Variants in NRXN3 observed in about 807,000 individuals in gnomAD.
The protein encoded by NRXN3 is neurexin III.
Under a neutral mutation model 137.6 loss-of-function variants are expected in NRXN3, and 32 were observed. That is an observed-to-expected ratio of 0.23 (90% CI 0.18 to 0.31). NRXN3 has a LOEUF of 0.31. Ranked by LOEUF, NRXN3 falls within the 10% of genes least tolerant of loss-of-function variation. The pLI is 1.00. For synonymous variants in NRXN3, 798 were observed against 784.5 expected (o/e 1.02, Z -0.29); for missense variants, 1,574 against 2,062.5 (o/e 0.76, Z 4.59).
chr14:79,315,832 A>C lies in NRXN3; in HGVS notation c.3263-151389A>C, dbSNP rs895748117. 2.6e-5 allele frequency among the ~76,000 whole-genome samples: 4 copies of C among 152,232 alleles called. No individual in the cohort carries two copies. The East Asian group carries it at 7.7e-4, about 29-fold the overall frequency. Reference sequence around the variant, plus strand: ...GAAGTTATACTTTAGAAAACAATCTATTTAATATAATTCAATGCTACACAA... The same window carrying C: ...GAAGTTATACTTTAGAAAACAATCTCTTTAATATAATTCAATGCTACACAA... On this transcript the variant is annotated intron_variant, in intron 15 of 20. Transcript: ENST00000335750.
intron 10 of NRXN3, among the ~76,000 whole-genome samples, chr14:78,881,834 A>G (rs1460176017): frequency 1.3e-5 from 2 of 151,626 alleles, no homozygotes; most frequent in African/African-American, 2.4e-5. Context: ...TAATGAACCA[A>G]ATGTTAATCA....
chr14:78,765,738 TAC>T lies in NRXN3; in HGVS notation c.2045-37868_2045-37867del, dbSNP rs1340470153. Among the ~76,000 whole-genome samples, 318 of 151,240 alleles carry T rather than the reference TAC, an allele frequency of 2.1e-3. 5 individuals are homozygous for T. The highest frequency in any genetic ancestry group is 7.1e-3 in the African/African-American group (295 of 41,372). On this transcript the variant is annotated intron_variant, in intron 8 of 20. Coordinates refer to ENST00000335750, the MANE Select transcript of NRXN3 (RefSeq NM_001330195.2). ...GAATAAATGTTGATATATATATATA[TAC>T]ACACACACACACATACATATATACA...
At chr14:78,685,686 G>T (rs2098119221) in intron 6 of NRXN3, among the ~76,000 whole-genome samples, 1 of 144,430 alleles carries the variant, frequency 6.9e-6, no homozygotes, top group Non-Finnish European at 1.5e-5. Context: ...AGGATGGAGT[G>T]CAATGGCATG....
At chr14:78,806,498 C>T (rs900882054) in intron 9 of NRXN3, among the ~76,000 whole-genome samples, 4 of 152,224 alleles carry the variant, frequency 2.6e-5, no homozygotes, top group African/African-American at 9.6e-5. Context: ...CTCCCTCACT[C>T]TATTCAAGTT....
chr14:79,126,135 A>G (rs1408887133), intron 15 of NRXN3, among the ~76,000 whole-genome samples: 1 of 151,360 alleles, frequency 6.6e-6, no homozygotes, highest in African/African-American at 2.4e-5. Flanking sequence ...ATTAACTTAA[A>G]CTTTTTTTTT....
intron 1 of NRXN3, among the ~76,000 whole-genome samples, chr14:78,193,781 AG>A (rs2060967582): frequency 1.4e-5 from 2 of 145,642 alleles, no homozygotes; most frequent in African/African-American, 5.1e-5. Flanking sequence ...AAAAAAAAAA[AG>A]TTATGTCTGA....
At chr14:78,269,319 G>A (rs750980122) in intron 2 of NRXN3, among the ~76,000 whole-genome samples, 2 of 152,200 alleles carry the variant, frequency 1.3e-5, no homozygotes, top group Non-Finnish European at 2.9e-5. Context: ...AGGACATTAT[G>A]CTAAGTGGAA....
intron 14 of NRXN3, among the ~76,000 whole-genome samples, chr14:78,978,359 T>C (rs958924928): frequency 6.6e-6 from 1 of 152,194 alleles, no homozygotes; most frequent in Admixed American, 6.5e-5. Flanking sequence ...CATTGCCTTA[T>C]GTTCTATAAA....
chr14:79,022,404 C>A (rs2099591253), intron 15 of NRXN3, among the ~76,000 whole-genome samples: 2 of 152,024 alleles, frequency 1.3e-5, no homozygotes, highest in Non-Finnish European at 2.9e-5. Context: ...CCAAAATACA[C>A]AGCTGAAAAA....
chr14:79,025,208 A>G (rs940330029), intron 15 of NRXN3, among the ~76,000 whole-genome samples: 1 of 152,094 alleles, frequency 6.6e-6, no homozygotes, highest in African/African-American at 2.4e-5. Context: ...TTTCAAATCT[A>G]GACTGCTGTT....
chr14:78,806,050 T>TG (rs1374494019), intron 9 of NRXN3, among the ~76,000 whole-genome samples: 1 of 74,292 alleles, frequency 1.3e-5, no homozygotes, highest in Non-Finnish European at 4.7e-5. Flanking sequence ...CTTTGCTTTT[T>TG]TTTTTTTTTT....
At chr14:79,037,061 C>T (rs1301525680) in intron 15 of NRXN3, among the ~76,000 whole-genome samples, 1 of 152,018 alleles carries the variant, frequency 6.6e-6, no homozygotes, top group East Asian at 1.9e-4. Flanking sequence ...TTATAATTCA[C>T]CTGGGTTAAA....
chr14:78,441,544 G>A (rs1431316136), intron 4 of NRXN3, among the ~76,000 whole-genome samples: 1 of 151,392 alleles, frequency 6.6e-6, no homozygotes, highest in East Asian at 1.9e-4. Context: ...ATCTCATTCT[G>A]TACATCCCAC....
intron 16 of NRXN3, among the ~76,000 whole-genome samples, chr14:79,621,556 C>T (rs1454984158): frequency 6.6e-6 from 1 of 152,080 alleles, no homozygotes; most frequent in Non-Finnish European, 1.5e-5. Flanking sequence ...TGTGTAATTG[C>T]TATGTTCTTG....
At chr14:78,514,986 T>C (rs56029037) in intron 4 of NRXN3, among the ~76,000 whole-genome samples, 1,875 of 152,204 alleles carry the variant, frequency 0.012, 25 homozygotes, top group Middle Eastern at 0.031. Flanking sequence ...TGTAGTGCAC[T>C]TGGAAAATAT....
Position 79,517,100 on chromosome 14 carries a change from C to CA in NRXN3, c.3444+49698_3444+49699insA, listed in dbSNP as rs909927039. ...TATTACACAAATGTACAGCCCCCCC[C>CA]CCCTCAACGAATGGGAGCGCTTCCC... On this transcript the variant is annotated intron_variant, in intron 16 of 20. Transcript: ENST00000335750. Among the ~76,000 whole-genome samples, 142 of 146,124 alleles carry CA rather than the reference C, an allele frequency of 9.7e-4. 1 individual carries two copies. The Middle Eastern group carries it at 0.024, about 25-fold the overall frequency.
At chr14:78,331,000 G>A (rs1165600714) in intron 4 of NRXN3, among the ~76,000 whole-genome samples, 1 of 152,000 alleles carries the variant, frequency 6.6e-6, no homozygotes, top group Non-Finnish European at 1.5e-5. Context: ...ATTGGAGTCA[G>A]AATCTGTTTG....
intron 15 of NRXN3, among the ~76,000 whole-genome samples, chr14:79,040,687 C>T (rs1051499068): frequency 5.9e-5 from 9 of 152,032 alleles, no homozygotes; most frequent in South Asian, 2.1e-4. Flanking sequence ...AGAGGGGTCC[C>T]GGAAGAGGGT....
At chr14:78,452,221 A>T (rs1265177462) in intron 4 of NRXN3, among the ~76,000 whole-genome samples, 5 of 152,212 alleles carry the variant, frequency 3.3e-5, no homozygotes, top group African/African-American at 1.2e-4. Flanking sequence ...TACTTGGCTC[A>T]AGTCTCAGCT....
Sources: allele counts gnomAD v4.1 joint callset (sites outside exome capture counted in the v4.1 genomes callset), GRCh38; gene constraint gnomAD v4.1.1; transcripts MANE v1.5; gene names NCBI Gene and HGNC (gene_info 2026-07-23, HGNC 2026-07-21).